Variants in STK3 observed in about 807,000 individuals in gnomAD.
The protein encoded by STK3 is serine/threonine kinase 3, also known as serine/threonine-protein kinase 3.
Under a neutral mutation model 58.0 loss-of-function variants are expected in STK3, and 41 were observed. The ratio of observed to expected loss-of-function variants is 0.71; its 90% CI spans 0.55 to 0.92. STK3 has a LOEUF of 0.92. STK3 is among the 40% of genes least tolerant of loss of function. The pLI is 0.00. For missense variants in STK3, 479 were observed against 602.7 expected (o/e 0.79, Z 2.15); for synonymous variants, 170 against 191.0 (o/e 0.89, Z 0.91).
intron 7 of STK3, 196 bp downstream of exon 7, chr8:98,595,836 G>C (rs1815775948): frequency 2.1e-6 from 1 of 481,280 alleles, no homozygotes; most frequent in Admixed American, 3.7e-5. Context: ...GAATGCTTTG[G>C]AAATTTTGTT....
At chr8:98,365,147 G>A in the STK3 span, among the ~76,000 whole-genome samples, 1 of 152,142 alleles carries the variant, frequency 6.6e-6, no homozygotes, top group Non-Finnish European at 1.5e-5. Context: ...CCATACCGAT[G>A]CAGTAGTCTT....
At chr8:98,371,122 G>T (rs184086440), downstream of STK3, among the ~76,000 whole-genome samples, 3 of 152,306 alleles carry the variant, frequency 2.0e-5, no homozygotes, top group South Asian at 4.1e-4. Context: ...TTACATGGTT[G>T]TTTGTGCCTG....
chr8:98,525,368 C>T (rs1001748349), intron 10 of STK3, among the ~76,000 whole-genome samples: 7 of 151,596 alleles, frequency 4.6e-5, no homozygotes, highest in African/African-American at 1.7e-4. Context: ...CCAGACTTCA[C>T]CATGATGCAA....
chr8:98,858,661 A>G (rs1836806880), intron 3 of STK3, among the ~76,000 whole-genome samples: 1 of 151,870 alleles, frequency 6.6e-6, no homozygotes, highest in Non-Finnish European at 1.5e-5. Context: ...TGGGAGGCCA[A>G]GGCGGGTGGA....
At chr8:98,738,761 C>T (rs1007264782) in intron 4 of STK3, among the ~76,000 whole-genome samples, 33 of 152,320 alleles carry the variant, frequency 2.2e-4, no homozygotes, top group African/African-American at 6.5e-4. Context: ...TGCAGCGCAC[C>T]GTGTGCGAGC....
chr8:98,690,867 G>A (rs1170230809), intron 6 of STK3, among the ~76,000 whole-genome samples: 2 of 152,186 alleles, frequency 1.3e-5, no homozygotes. Context: ...CAATGGAACA[G>A]AATAGAGGCA....
chr8:98,754,748 G>A (rs1310294844), intron 3 of STK3, among the ~76,000 whole-genome samples: 1 of 152,006 alleles, frequency 6.6e-6, no homozygotes, highest in Non-Finnish European at 1.5e-5. Flanking sequence ...GGCCTCATGT[G>A]TTCTGCCTGC....
At chr8:98,422,122 C>T (rs1180258601) in intron 3 of STK3, among the ~76,000 whole-genome samples, 1 of 152,184 alleles carries the variant, frequency 6.6e-6, no homozygotes, top group African/African-American at 2.4e-5. Context: ...GTGGCCTCTG[C>T]AGATAAAGCC....
chr8:98,933,520 G>A (rs1840078637), intron 1 of STK3, among the ~76,000 whole-genome samples: 1 of 152,086 alleles, frequency 6.6e-6, no homozygotes, highest in Admixed American at 6.5e-5. Context: ...GAATTACAGG[G>A]TAGAATATAA....
intron 1 of STK3, among the ~76,000 whole-genome samples, chr8:98,783,735 A>G (rs2131542885): frequency 6.6e-6 from 1 of 152,344 alleles, no homozygotes; most frequent in Non-Finnish European, 1.5e-5. Flanking sequence ...AAACCCTGCC[A>G]CTGCTTTCTC....
chr8:98,830,258 G>A (rs1835475937), upstream of STK3, among the ~76,000 whole-genome samples: 1 of 152,024 alleles, frequency 6.6e-6, no homozygotes, highest in African/African-American at 2.4e-5. Context: ...AAAATAAAGT[G>A]GAGGGGAAGG....
intron 1 of STK3, among the ~76,000 whole-genome samples, chr8:98,380,049 G>C (rs1817716405): frequency 6.6e-6 from 1 of 152,144 alleles, no homozygotes. Context: ...ACAAATCAAA[G>C]AATGACAAAT....
At chr8:98,378,618 G>A (rs546089271) in intron 2 of STK3, among the ~76,000 whole-genome samples, 5 of 152,192 alleles carry the variant, frequency 3.3e-5, no homozygotes, top group South Asian at 2.1e-4. Flanking sequence ...GTGTGAATAC[G>A]TGTGAATAAA....
chr8:98,595,795 C>A, intron 7 of STK3: 4 of 375,558 alleles, frequency 1.1e-5, no homozygotes, highest in Non-Finnish European at 1.4e-5. Flanking sequence ...GAAATAGTAA[C>A]TATGAAGACA....
intron 4 of STK3, among the ~76,000 whole-genome samples, chr8:98,709,130 T>C (rs1450993618): frequency 6.6e-6 from 1 of 152,160 alleles, no homozygotes; most frequent in Non-Finnish European, 1.5e-5. Flanking sequence ...GGGACTGCTC[T>C]CAAGCTTATA....
chr8:98,709,452 T>C (rs1826224122), intron 4 of STK3, among the ~76,000 whole-genome samples: 1 of 152,218 alleles, frequency 6.6e-6, no homozygotes, highest in Admixed American at 6.5e-5. Flanking sequence ...CACACTCATT[T>C]TAAGAGGCAT....
intron 6 of STK3, among the ~76,000 whole-genome samples, chr8:98,689,657 C>G (rs1824253689): frequency 6.6e-6 from 1 of 152,016 alleles, no homozygotes; most frequent in African/African-American, 2.4e-5. Context: ...GTGGCACATG[C>G]TTATAGTCCT....
At chr8:98,853,764 C>T (rs1836567291) in intron 3 of STK3, among the ~76,000 whole-genome samples, 1 of 152,128 alleles carries the variant, frequency 6.6e-6, no homozygotes, top group Non-Finnish European at 1.5e-5. Flanking sequence ...CTGAAACTGA[C>T]TCCAGAAGAA....
chr8:98,818,395 C>A (rs1374529658), intron 1 of STK3, among the ~76,000 whole-genome samples: 2 of 152,100 alleles, frequency 1.3e-5, no homozygotes, highest in Non-Finnish European at 2.9e-5. Context: ...AGGCCGAATG[C>A]CAATTTTGCC....
Sources: allele counts gnomAD v4.1 joint callset (sites outside exome capture counted in the v4.1 genomes callset), GRCh38; gene constraint gnomAD v4.1.1; transcripts MANE v1.5; gene names NCBI Gene and HGNC (gene_info 2026-07-23, HGNC 2026-07-21).